Variants in RBFOX1 observed in about 807,000 individuals in gnomAD.
RBFOX1 encodes the protein RNA binding protein fox-1 homolog 1.
Under a neutral mutation model 57.7 loss-of-function variants are expected in RBFOX1, and 8 were observed. That is an observed-to-expected ratio of 0.14 (90% CI 0.08 to 0.25). The LOEUF is 0.25. Ranked by LOEUF, RBFOX1 falls within the 10% of genes least tolerant of loss-of-function variation. The pLI, the probability that RBFOX1 is intolerant of heterozygous loss-of-function variation, is 1.00. For missense variants in RBFOX1, 611 were observed against 548.5 expected (o/e 1.11, Z -1.14); for synonymous variants, 326 against 222.4 (o/e 1.47, Z -4.15).
intron 1 of RBFOX1, among the ~76,000 whole-genome samples, chr16:6,022,344 C>T (rs957286744): frequency 3.3e-5 from 5 of 152,002 alleles, no homozygotes; most frequent in African/African-American, 1.2e-4. Flanking sequence ...GTGGCTTTAT[C>T]ATTCCTCCTG....
chr16:5,942,543 G>T (rs1242933355), intron 4 of RBFOX1, among the ~76,000 whole-genome samples: 1 of 152,186 alleles, frequency 6.6e-6, no homozygotes, highest in Non-Finnish European at 1.5e-5. Flanking sequence ...ACAGTGGCTG[G>T]TTATCGTTTA....
chr16:5,373,882 G>A (rs1335342905), intron 1 of RBFOX1, among the ~76,000 whole-genome samples: 1 of 152,008 alleles, frequency 6.6e-6, no homozygotes, highest in Non-Finnish European at 1.5e-5. Flanking sequence ...GGGATTACAG[G>A]CATGAGCCAC....
chr16:6,892,468 G>A (rs1298090443), intron 3 of RBFOX1, among the ~76,000 whole-genome samples: 2 of 152,114 alleles, frequency 1.3e-5, no homozygotes, highest in Non-Finnish European at 2.9e-5. Context: ...TCAGACGTTT[G>A]AGACCAGCCT....
Position 6,106,772 on chromosome 16 carries a change from A to G in RBFOX1, c.-127+86780A>G, listed in dbSNP as rs562909358. Among the ~76,000 whole-genome samples, 20 of 152,124 alleles carry G rather than the reference A, an allele frequency of 1.3e-4. No homozygotes were observed. In the South Asian group the frequency reaches 3.9e-3, roughly 30 times the overall value. ...AAGCTCTGCCTCCCGGGTTCATGCC[A>G]TCCTTCTGCCTCAGCCTCCCAAGTA... On this transcript the variant is annotated intron_variant, in intron 1 of 15. Coordinates refer to ENST00000550418, the MANE Select transcript of RBFOX1 (RefSeq NM_018723.4).
intron 4 of RBFOX1, among the ~76,000 whole-genome samples, chr16:7,060,871 T>A (rs2054028726): frequency 6.6e-6 from 1 of 152,208 alleles, no homozygotes; most frequent in Admixed American, 6.5e-5. Context: ...ATACCATTCT[T>A]TGCATTAACT....
At chr16:6,695,538 A>G (rs2060914950) in intron 3 of RBFOX1, among the ~76,000 whole-genome samples, 1 of 152,074 alleles carries the variant, frequency 6.6e-6, no homozygotes, top group Non-Finnish European at 1.5e-5. Context: ...GGAGCCCTTA[A>G]GTGGCCGACG....
At chr16:7,517,247 A>G (rs1277622433) in intron 4 of RBFOX1, among the ~76,000 whole-genome samples, 2 of 151,104 alleles carry the variant, frequency 1.3e-5, no homozygotes, top group African/African-American at 4.9e-5. Context: ...AAATGGAAGC[A>G]TTTGTATTCA....
At chr16:5,459,763 A>G (rs181172751) in intron 1 of RBFOX1, among the ~76,000 whole-genome samples, 19 of 152,174 alleles carry the variant, frequency 1.2e-4, no homozygotes, top group African/African-American at 4.1e-4. Flanking sequence ...ACCTGCATAC[A>G]TTCACACCAT....
chr16:7,271,484 T>G (rs2095316937), intron 4 of RBFOX1, among the ~76,000 whole-genome samples: 1 of 152,156 alleles, frequency 6.6e-6, no homozygotes, highest in Non-Finnish European at 1.5e-5. Flanking sequence ...TTTCTTTGTA[T>G]CACTTGGTTG....
intron 2 of RBFOX1, among the ~76,000 whole-genome samples, chr16:6,591,337 C>T (rs1476376916): frequency 1.3e-5 from 2 of 151,972 alleles, no homozygotes; most frequent in Admixed American, 6.6e-5. Context: ...GCCTGTAGTC[C>T]CAGCTACTTG....
At chr16:7,074,112 C>T (rs898814843) in intron 4 of RBFOX1, among the ~76,000 whole-genome samples, 1 of 152,118 alleles carries the variant, frequency 6.6e-6, no homozygotes, top group Admixed American at 6.5e-5. Flanking sequence ...TGTTTTCTGT[C>T]TCTTTTAAGG....
chr16:7,068,436 C>G (rs1193962234), intron 4 of RBFOX1, among the ~76,000 whole-genome samples: 1 of 152,042 alleles, frequency 6.6e-6, no homozygotes. Context: ...GGCCATTGGC[C>G]CAGGACTCAC....
chr16:6,205,863 C>CTTTT lies in RBFOX1; in HGVS notation c.-126-111117_-126-111114dup, dbSNP rs34261182. Among the ~76,000 whole-genome samples the CTTTT allele has an allele frequency of 1.2e-3, 122 of 97,866 alleles. 5 individuals are homozygous for CTTTT. Among genetic ancestry groups the CTTTT allele is most frequent in the African/African-American group, 1.7e-3 (40 of 23,058 alleles). 64.2% of individuals were successfully genotyped at this position (97,866 alleles called of 152,430 possible). A position where few individuals can be genotyped will look rare whatever the true frequency, so the allele number is the denominator to read the frequency against. ...TTGAACAAGAGCCTACGAGATCATA[C>CTTTT]TTTTTTTTTTTTTTTTTTGGCTATG... On this transcript the variant is annotated intron_variant, in intron 1 of 15. Transcript: ENST00000550418.
intron 3 of RBFOX1, among the ~76,000 whole-genome samples, chr16:6,970,690 A>C (rs940748618): frequency 6.6e-6 from 1 of 152,196 alleles, no homozygotes; most frequent in East Asian, 1.9e-4. Context: ...TAAAAATCCT[A>C]GCTCTTAATA....
At chr16:5,834,502 T>C (rs1259106961) in intron 3 of RBFOX1, among the ~76,000 whole-genome samples, 1 of 152,178 alleles carries the variant, frequency 6.6e-6, no homozygotes, top group Non-Finnish European at 1.5e-5. Flanking sequence ...TCCACTCATC[T>C]GTTGATGGGC....
intron 4 of RBFOX1, among the ~76,000 whole-genome samples, chr16:7,170,385 C>T (rs2080445853): frequency 6.6e-6 from 1 of 152,064 alleles, no homozygotes. Context: ...GATACTCTCA[C>T]CTCAGCCTCC....
chr16:5,378,252 G>A (rs1343921264), intron 1 of RBFOX1, among the ~76,000 whole-genome samples: 1 of 151,664 alleles, frequency 6.6e-6, no homozygotes, highest in South Asian at 2.1e-4. Context: ...GATCTCCTGG[G>A]ATGTGGGACT....
chr16:6,687,366 A>G (rs1348370475), intron 3 of RBFOX1, among the ~76,000 whole-genome samples: 1 of 152,196 alleles, frequency 6.6e-6, no homozygotes, highest in African/African-American at 2.4e-5. Context: ...CAGGTTTACC[A>G]ATATTTCAGA....
At chr16:7,377,837 C>A (rs1447528984) in intron 4 of RBFOX1, among the ~76,000 whole-genome samples, 3 of 152,096 alleles carry the variant, frequency 2.0e-5, no homozygotes, top group Non-Finnish European at 4.4e-5. Context: ...GAGTAACAAG[C>A]ACAGTGAAGT....
Sources: gnomAD v4.1 joint callset for allele counts (sites outside exome capture counted in the v4.1 genomes callset) on GRCh38, gnomAD v4.1.1 for gene constraint, MANE v1.5 for transcripts, NCBI Gene and HGNC (gene_info 2026-07-23, HGNC 2026-07-21) for gene names.